Variants in KIF6 observed in about 807,000 individuals in gnomAD.
KIF6 encodes the protein kinesin-like protein KIF6.
Under a neutral mutation model 112.7 loss-of-function variants are expected in KIF6, and 106 were observed. The ratio of observed to expected loss-of-function variants is 0.94; its 90% CI spans 0.80 to 1.11. The LOEUF (loss-of-function observed/expected upper bound fraction) is 1.11, where lower values mean the gene tolerates loss of function less well. Among genes scored for constraint, KIF6 ranks in the 50% least tolerant of loss-of-function variants. The probability of loss-of-function intolerance (pLI) is 0.00; values close to 1 mark genes in which losing one functional copy is unlikely to be tolerated. For synonymous variants in KIF6, 339 were observed against 339.9 expected, an observed-to-expected ratio of 1.00 and a Z score of 0.03; for missense variants, 929 against 964.0, an observed-to-expected ratio of 0.96 and a Z score of 0.48.
At chr6:39,529,306 T>C (rs1234144372) in intron 13 of KIF6, among the ~76,000 whole-genome samples, 2 of 152,022 alleles carry the variant, frequency 1.3e-5, no homozygotes. Flanking sequence ...ATTAGACAAA[T>C]GGGGTTACAT....
At chr6:39,339,335 A>C (rs1763197638) in intron 22 of KIF6, among the ~76,000 whole-genome samples, 1 of 152,180 alleles carries the variant, frequency 6.6e-6, no homozygotes, top group Admixed American at 6.5e-5. Context: ...CATGACAGAC[A>C]GTGAGAGGGA....
chr6:39,641,062 A>T (rs1490605576), intron 3 of KIF6, among the ~76,000 whole-genome samples: 4 of 152,150 alleles, frequency 2.6e-5, no homozygotes, highest in African/African-American at 9.7e-5. Context: ...TGTTGGAACT[A>T]TGACAAAATT....
intron 3 of KIF6, among the ~76,000 whole-genome samples, chr6:39,704,493 C>A (rs551463755): frequency 6.0e-4 from 92 of 152,268 alleles, no homozygotes; most frequent in Non-Finnish European, 1.1e-3. Flanking sequence ...TGGCACATGC[C>A]TGTAATCCCA....
At chr6:39,427,766 A>T (rs1455460412) in intron 14 of KIF6, among the ~76,000 whole-genome samples, 1 of 152,108 alleles carries the variant, frequency 6.6e-6, no homozygotes, top group African/African-American at 2.4e-5. Context: ...GTATGTTTAA[A>T]CTCAAAAGCA....
chr6:39,690,760 T>C (rs1788154977), intron 3 of KIF6: 2 of 151,366 alleles, frequency 1.3e-5, no homozygotes, highest in Non-Finnish European at 1.5e-5. Context: ...TCAAGAAGAG[T>C]GGCCAATGGG....
intron 6 of KIF6, among the ~76,000 whole-genome samples, chr6:39,608,560 A>C (rs549402937): frequency 6.6e-6 from 1 of 152,272 alleles, no homozygotes; most frequent in Admixed American, 6.5e-5. Flanking sequence ...TAAGTTGGGG[A>C]GTGTCTGTAT....
At chr6:39,486,628 A>G (rs926188981) in intron 13 of KIF6, among the ~76,000 whole-genome samples, 3 of 152,242 alleles carry the variant, frequency 2.0e-5, no homozygotes, top group Non-Finnish European at 4.4e-5. Context: ...GATGCACAGA[A>G]AGAAATACAT....
intron 17 of KIF6, among the ~76,000 whole-genome samples, chr6:39,361,515 C>T (rs1765134911): frequency 7.2e-6 from 1 of 138,574 alleles, no homozygotes; most frequent in Non-Finnish European, 1.5e-5. Flanking sequence ...GCCAAGATCA[C>T]ACCACTGCAC....
At chr6:39,644,568 T>C (rs1299014791) in intron 3 of KIF6, among the ~76,000 whole-genome samples, 1 of 152,064 alleles carries the variant, frequency 6.6e-6, no homozygotes, top group Non-Finnish European at 1.5e-5. Flanking sequence ...AAAAAGATGA[T>C]ATATTGTGAT....
intron 13 of KIF6, among the ~76,000 whole-genome samples, chr6:39,479,490 G>A (rs1774661350): frequency 6.6e-6 from 1 of 152,066 alleles, no homozygotes; most frequent in Non-Finnish European, 1.5e-5. Flanking sequence ...TGCTGTTTTG[G>A]TGACTGTGGC....
chr6:39,575,185 T>C (rs1780875244), intron 10 of KIF6, among the ~76,000 whole-genome samples: 1 of 152,188 alleles, frequency 6.6e-6, no homozygotes, highest in African/African-American at 2.4e-5. Flanking sequence ...GGGCTCATCT[T>C]TCCTGGACTC....
At chr6:39,547,345 T>C (rs1294167960) in intron 10 of KIF6, among the ~76,000 whole-genome samples, 2 of 152,216 alleles carry the variant, frequency 1.3e-5, no homozygotes, top group African/African-American at 4.8e-5. Context: ...GGTGAAGAGA[T>C]ACTTATTTGC....
In KIF6 at chr6:39,604,089, C is replaced by T. The variant is rs529226240; in HGVS notation, c.640-7829G>A. 5.4e-5 allele frequency among the ~76,000 whole-genome samples: 8 copies of T among 148,180 alleles called. No individual in the cohort carries two copies. The East Asian group carries it at 1.5e-3, about 29-fold the overall frequency. On this transcript the variant is annotated intron_variant, in intron 6 of 22. Coordinates refer to ENST00000287152, the MANE Select transcript of KIF6 (RefSeq NM_145027.6). ...AATTCAGCTTTCCACTTCAGTTCTC[C>T]TTGTCTGATAACACTTTCTACACTG...
chr6:39,679,614 CTTTTTTT>C (rs55936243), intron 3 of KIF6, among the ~76,000 whole-genome samples: 2 of 106,504 alleles, frequency 1.9e-5, no homozygotes, highest in Admixed American at 2.1e-4. Context: ...CTTTTCTTTT[CTTTTTTT>C]TTTTTTTTTT....
In KIF6 at chr6:39,343,913, T is replaced by A; in HGVS notation, c.2322-98A>T. On this transcript the variant is annotated intron_variant, in intron 21 of 22. Transcript: ENST00000287152. This position sits in a 1 kb window ranked among gnomAD's most constrained non-coding sequence, Gnocchi z 4.1. Reference sequence around the variant, plus strand: ...TTCCATTTTAGGTGACTGATCTCACTCAGAAAGCTACATGACACGGCTGGC... The same window carrying A: ...TTCCATTTTAGGTGACTGATCTCACACAGAAAGCTACATGACACGGCTGGC... 1 of 666,180 alleles carries A rather than the reference T, an allele frequency of 1.5e-6. No individual in the cohort carries two copies. Among genetic ancestry groups the A allele is most frequent in the Non-Finnish European group, 2.5e-6 (1 of 393,452 alleles). The allele number at this position is 666,180 out of a possible 1,614,324, so 41.3% of individuals were successfully genotyped here.
chr6:39,720,930 A>G (rs561239867), intron 1 of KIF6, 119 bp from the exon 2 acceptor site: 2 of 591,302 alleles, frequency 3.4e-6, no homozygotes, highest in South Asian at 2.3e-5. Context: ...AAAAGTCATA[A>G]TATCATATAA....
chr6:39,497,521 A>C (rs940011680), intron 13 of KIF6, among the ~76,000 whole-genome samples: 1 of 152,218 alleles, frequency 6.6e-6, no homozygotes, highest in Non-Finnish European at 1.5e-5. Context: ...TGTGTTTACC[A>C]ATCAATCAAC....
chr6:39,377,286 C>T (rs144403317), intron 16 of KIF6, among the ~76,000 whole-genome samples: 129 of 152,172 alleles, frequency 8.5e-4, no homozygotes, highest in African/African-American at 2.5e-3. Flanking sequence ...TGGCCTCAAG[C>T]GATTCTCCTA....
intron 15 of KIF6, among the ~76,000 whole-genome samples, chr6:39,419,729 T>C (rs996268906): frequency 4.6e-5 from 7 of 152,152 alleles, no homozygotes; most frequent in African/African-American, 1.7e-4. Flanking sequence ...TGCCTGAGGA[T>C]GAAAAGTTCA....
Sources: gnomAD v4.1 joint callset for allele counts (sites outside exome capture counted in the v4.1 genomes callset) on GRCh38, gnomAD v4.1.1 for gene constraint, Gnocchi (gnomAD v3.1) non-coding constraint, MANE v1.5 for transcripts, NCBI Gene and HGNC (gene_info 2026-07-23, HGNC 2026-07-21) for gene names.